HNF1A: variants seen among roughly 807,000 people sequenced by gnomAD.
HNF1A encodes the protein HNF1 homeobox A.
Under a neutral mutation model 62.2 loss-of-function variants are expected in HNF1A, and 21 were observed. That is an observed-to-expected ratio of 0.34 (90% CI 0.24 to 0.49). The LOEUF (loss-of-function observed/expected upper bound fraction) is 0.49, where lower values mean the gene tolerates loss of function less well. Ranked by LOEUF, HNF1A falls within the 20% of genes least tolerant of loss-of-function variation. The pLI, the probability that HNF1A is intolerant of heterozygous loss-of-function variation, is 0.99. For synonymous variants in HNF1A, 374 were observed against 366.8 expected (o/e 1.02, Z -0.22); for missense variants, 687 against 832.3 (o/e 0.83, Z 2.15).
rs1300791130 is a variant in HNF1A at position 121,001,306 on chromosome 12, AGCTGTGCCTC to A, written c.*118_*127del. On this transcript the variant is annotated 3_prime_UTR_variant, in exon 10 of 10. Coordinates refer to ENST00000257555, the MANE Select transcript of HNF1A (RefSeq NM_000545.8). Reference sequence around the variant, plus strand: ...CGAGCAACCGTGGCCCTTCCTGGACAGCTGTGCCTCGCTCCCCACTCTGCTCTGATGCATC... The same window carrying A: ...CGAGCAACCGTGGCCCTTCCTGGACAGCTCCCCACTCTGCTCTGATGCATC... The A allele has an allele frequency of 4.6e-6, 6 of 1,311,554 alleles. No individual in the cohort carries two copies. The Admixed American group carries it at 1.2e-4, about 26-fold the overall frequency. 81.2% of individuals were successfully genotyped at this position (1,311,554 alleles called of 1,614,324 possible).
chr12:120,987,112 A>T (rs2135829573), intron 1 of HNF1A, among the ~76,000 whole-genome samples: 1 of 152,184 alleles, frequency 6.6e-6, no homozygotes, highest in Admixed American at 6.5e-5. Context: ...GTAGGATTCC[A>T]GTGTTCACAT....
At chr12:120,981,396 G>A (rs1876243801) in intron 1 of HNF1A, among the ~76,000 whole-genome samples, 1 of 152,182 alleles carries the variant, frequency 6.6e-6, no homozygotes, top group Admixed American at 6.5e-5. Context: ...GTGACCTTGG[G>A]AAAGTCTGTT....
At chr12:121,000,646 C>A (rs775934972) in intron 9 of HNF1A, 2 of 260,178 alleles carry the variant, frequency 7.7e-6, no homozygotes, top group Non-Finnish European at 1.5e-5. Context: ...GCTCTTACGG[C>A]CTTCCACTGA....
At chr12:120,982,943 C>G (rs1425393211) in intron 1 of HNF1A, among the ~76,000 whole-genome samples, 1 of 152,172 alleles carries the variant, frequency 6.6e-6, no homozygotes, top group East Asian at 1.9e-4. Flanking sequence ...TTCCTCCTCC[C>G]CATCTCTGAA....
In HNF1A at chr12:120,996,601, G is replaced by A. The variant is rs1877115047; in HGVS notation, c.1168G>A (p.Glu390Lys). ...VSTLTALHSLEQTSPGLNQQP... is the reference protein window; with the variant it reads ...VSTLTALHSLKQTSPGLNQQP... The stretch of plus-strand genomic sequence containing the variant: ...CACCCTGACAGCACTGCACAGCTTG[G>A]AGCAGACATCCCCAGGCCTCAACCA... The change falls in exon 6 of 10, where the codon GAG becomes AAG. Residue 390 changes from glutamate (E) to lysine (K), a missense_variant. By Grantham distance (56) the Glu-to-Lys change is moderately conservative. Transcript: ENST00000257555. The surrounding 1 kb of genome is among the most constrained non-coding windows in gnomAD (Gnocchi z 4.5). The A allele has an allele frequency of 1.9e-6, 3 of 1,613,904 alleles. No individual in the cohort carries two copies. The highest frequency in any genetic ancestry group is 2.5e-6 in the Non-Finnish European group (3 of 1,180,014).
intron 9 of HNF1A, 180 bp from the exon 10 acceptor site, chr12:121,000,885 C>G (rs919205360): frequency 1.3e-6 from 1 of 790,764 alleles, no homozygotes; most frequent in African/African-American, 1.8e-5. Flanking sequence ...GGCCGTGGAC[C>G]CTGGCTGGGA....
intron 9 of HNF1A, 81 bp from the exon 10 acceptor site, chr12:121,000,984 T>A: frequency 6.3e-7 from 1 of 1,590,030 alleles, no homozygotes; most frequent in South Asian, 1.1e-5. Flanking sequence ...TGCCTCCCCA[T>A]CCTGAGTACC....
intron 6 of HNF1A, 84 bp from the exon 7 acceptor site, chr12:120,997,390 G>A: frequency 1.4e-6 from 2 of 1,442,072 alleles, no homozygotes; most frequent in Middle Eastern, 2.5e-4. Context: ...GCTCTGGGAA[G>A]GAGAGGTGGT....
intron 1 of HNF1A, among the ~76,000 whole-genome samples, chr12:120,984,263 C>T (rs1876401096): frequency 6.6e-6 from 1 of 151,970 alleles, no homozygotes; most frequent in Non-Finnish European, 1.5e-5. Flanking sequence ...AAGGGTTGCA[C>T]ATGTATTTGT....
At chr12:120,984,534 G>T (rs1351477513) in intron 1 of HNF1A, among the ~76,000 whole-genome samples, 14 of 152,226 alleles carry the variant, frequency 9.2e-5, no homozygotes, top group Non-Finnish European at 2.1e-4. Flanking sequence ...ACAGGAGGGT[G>T]ATGGCTGCAG....
intron 1 of HNF1A, among the ~76,000 whole-genome samples, chr12:120,985,912 G>T (rs902335916): frequency 4.6e-5 from 7 of 151,546 alleles, no homozygotes; most frequent in Admixed American, 4.6e-4. Context: ...TTGAACCTGG[G>T]AATCAGAGGT....
chr12:120,989,135 G>A lies in HNF1A; in HGVS notation c.526+103G>A, dbSNP rs960665829. On this transcript the variant is annotated intron_variant, in intron 2 of 9. Transcript: ENST00000257555. ...CTTCACCATCCCCATTACACAGACA[G>A]GTAGATGGAAAGGAAGTCAGTGGGA... The A allele has an allele frequency of 5.3e-6, 6 of 1,122,264 alleles. No homozygotes were observed. In the African/African-American group the frequency reaches 9.2e-5, roughly 17 times the overall value. The allele number at this position is 1,122,264 out of a possible 1,614,324, so 69.5% of individuals were successfully genotyped here.
In HNF1A at chr12:120,985,425, C is replaced by T. The variant is rs1042510237; in HGVS notation, c.327-3408C>T. Among the ~76,000 whole-genome samples the T allele has an allele frequency of 2.7e-4, 40 of 149,928 alleles. 1 individual carries two copies. The highest frequency in any genetic ancestry group is 3.1e-4 in the Non-Finnish European group (21 of 67,628). On this transcript the variant is annotated intron_variant, in intron 1 of 9. Transcript: ENST00000257555. ...ATTATATATGCCAAGGTGGGAGGAT[C>T]GCTTGAGCCCAGGAGTTTGAGACCA... is the stretch of plus-strand genomic sequence containing the variant.
Position 120,996,718 on chromosome 12 carries a change from A to G in HNF1A, c.1285A>G (p.Thr429Ala). 6.2e-7 allele frequency: 1 copy of G among 1,614,054 alleles called. No homozygotes were observed. Among genetic ancestry groups the G allele is most frequent in the Non-Finnish European group, 8.5e-7 (1 of 1,179,988 alleles). Residue 429 changes from threonine (T) to alanine (A), a missense_variant, in exon 6 of 10, where the codon ACA becomes GCA. Transcript: ENST00000257555. The surrounding 1 kb of genome is among the most constrained non-coding windows in gnomAD (Gnocchi z 4.5). ...PASLGPTFTN[T>A]GASTLVIGLA... is the part of the protein sequence containing the mutation. ...CTCCCTGGGTCCTACGTTCACCAAC[A>G]CAGGTGCCTCCACCCTGGTCATCGG...
chr12:120,993,927 C>T (rs1324394645), intron 3 of HNF1A, among the ~76,000 whole-genome samples: 1 of 152,204 alleles, frequency 6.6e-6, no homozygotes, highest in Non-Finnish European at 1.5e-5. Flanking sequence ...TGGATGCTCA[C>T]CCAATTCGAT....
intron 2 of HNF1A, among the ~76,000 whole-genome samples, chr12:120,990,599 TAGGAAA>T: frequency 8.7e-6 from 1 of 114,962 alleles, no homozygotes; most frequent in African/African-American, 3.9e-5. Context: ...GGAAAGATGA[TAGGAAA>T]GGGAGGAAAG....
intron 1 of HNF1A, among the ~76,000 whole-genome samples, chr12:120,985,254 T>A (rs190076925): frequency 1.7e-4 from 26 of 150,496 alleles, no homozygotes; most frequent in East Asian, 4.0e-4. Context: ...CTAATTTATT[T>A]TTTTTTTTAT....
intron 7 of HNF1A, 177 bp downstream of exon 7, chr12:120,997,842 G>T (rs962800660): frequency 8.0e-6 from 6 of 750,078 alleles, no homozygotes. Flanking sequence ...GCACGTATCT[G>T]TGTGTGTGCA....
intron 2 of HNF1A, among the ~76,000 whole-genome samples, chr12:120,992,265 T>C (rs887418952): frequency 2.0e-5 from 3 of 152,238 alleles, no homozygotes; most frequent in African/African-American, 7.2e-5. Context: ...TCTCCTCATA[T>C]AGGCAAAGAT....
Sources: gnomAD v4.1 joint callset for allele counts (sites outside exome capture counted in the v4.1 genomes callset) on GRCh38, gnomAD v4.1.1 for gene constraint, Gnocchi (gnomAD v3.1) non-coding constraint, MANE v1.5 for transcripts, NCBI Gene and HGNC (gene_info 2026-07-23, HGNC 2026-07-21) for gene names.